FLRT2: variants seen among roughly 807,000 people sequenced by gnomAD.
FLRT2 encodes the protein leucine-rich repeat transmembrane protein FLRT2.
Under a neutral mutation model 40.0 loss-of-function variants are expected in FLRT2, and 15 were observed. The observed-to-expected ratio is 0.38, with a 90% CI of 0.25 to 0.58. The LOEUF (loss-of-function observed/expected upper bound fraction) is 0.58. FLRT2 is among the 20% of genes least tolerant of loss of function. The probability of loss-of-function intolerance (pLI) is 0.71; values close to 1 mark genes in which losing one functional copy is unlikely to be tolerated. For missense variants in FLRT2, 726 were observed against 840.0 expected (o/e 0.86, Z 1.68); for synonymous variants, 380 against 336.8 (o/e 1.13, Z -1.41).
chr14:85,560,565 A>G (rs980052820), intron 1 of FLRT2, among the ~76,000 whole-genome samples: 2 of 152,032 alleles, frequency 1.3e-5, no homozygotes, highest in Non-Finnish European at 2.9e-5. Flanking sequence ...TGGGCTGCAG[A>G]GCGAGACTCC....
At chr14:85,596,422 A>C (rs1454482420) in intron 1 of FLRT2, among the ~76,000 whole-genome samples, 1 of 152,212 alleles carries the variant, frequency 6.6e-6, no homozygotes, top group Admixed American at 6.5e-5. Flanking sequence ...CACATTTGTT[A>C]GCTATTTGTC....
Position 85,644,328 on chromosome 14 carries a change from A to T in FLRT2, c.*20831A>T, listed in dbSNP as rs950588945. ...TAGAAATTTCTTTCTTTTTATCTCA[A>T]TAGGCAAAGAACACTAAAGTAGTCT... On this transcript the variant is annotated 3_prime_UTR_variant, in exon 2 of 2. Coordinates refer to ENST00000330753, the MANE Select transcript of FLRT2 (RefSeq NM_013231.6). 4 of 152,178 alleles carry T rather than the reference A, an allele frequency of 2.6e-5. No individual in the cohort carries two copies. Among genetic ancestry groups the T allele is most frequent in the Non-Finnish European group, 5.9e-5 (4 of 68,024 alleles). The allele number at this position is 152,178 out of a possible 1,614,324, so 9.4% of individuals were successfully genotyped here.
intron 1 of FLRT2, among the ~76,000 whole-genome samples, chr14:85,575,262 G>A (rs1025273373): frequency 1.2e-4 from 19 of 152,116 alleles, no homozygotes; most frequent in Non-Finnish European, 2.5e-4. Flanking sequence ...GGTGGATGGA[G>A]TAAGGGCTTC....
chr14:85,540,714 T>G (rs972657014), intron 1 of FLRT2, among the ~76,000 whole-genome samples: 46 of 96,558 alleles, frequency 4.8e-4, no homozygotes, highest in Non-Finnish European at 9.0e-4. Context: ...ACACTTGCTT[T>G]TTTAATGTTT....
chr14:85,591,901 G>T (rs2139317727), intron 1 of FLRT2, among the ~76,000 whole-genome samples: 1 of 152,236 alleles, frequency 6.6e-6, no homozygotes, highest in Non-Finnish European at 1.5e-5. Context: ...GACTCTTATG[G>T]ATGTGGAGAA....
At chr14:85,606,014 C>G (rs536470718) in intron 1 of FLRT2, among the ~76,000 whole-genome samples, 1 of 152,238 alleles carries the variant, frequency 6.6e-6, no homozygotes, top group African/African-American at 2.4e-5. Flanking sequence ...ATACCAGCAA[C>G]TTTAGCTAGC....
At chr14:85,536,303 C>T (rs1347753312) in intron 1 of FLRT2, among the ~76,000 whole-genome samples, 4 of 151,784 alleles carry the variant, frequency 2.6e-5, no homozygotes, top group Non-Finnish European at 4.4e-5. Flanking sequence ...CTGTAGAGAC[C>T]CAGTGTGAAC....
chr14:85,593,858 A>G (rs995640230), intron 1 of FLRT2, among the ~76,000 whole-genome samples: 1 of 152,182 alleles, frequency 6.6e-6, no homozygotes, highest in South Asian at 2.1e-4. Context: ...CCTGGCCAAC[A>G]TGGTGAAACC....
intron 1 of FLRT2, among the ~76,000 whole-genome samples, chr14:85,581,459 G>C (rs534832470): frequency 1.3e-5 from 2 of 152,244 alleles, no homozygotes; most frequent in African/African-American, 4.8e-5. Context: ...AAACAGTTTA[G>C]AAAACTACCA....
intron 1 of FLRT2, among the ~76,000 whole-genome samples, chr14:85,568,626 T>G (rs1281560024): frequency 6.6e-6 from 1 of 152,084 alleles, no homozygotes; most frequent in East Asian, 1.9e-4. Flanking sequence ...GTTGTTCTTT[T>G]TCTCTTTGTT....
Position 85,626,580 on chromosome 14 carries a change from T to C in FLRT2, c.*3083T>C, listed in dbSNP as rs1052071258. On this transcript the variant is annotated 3_prime_UTR_variant, in exon 2 of 2. Coordinates refer to ENST00000330753, the MANE Select transcript of FLRT2 (RefSeq NM_013231.6). ...CAGGGTAGTTGTTAATACCTGCTTGTTTGGGGAGATATGTTTGATTATAGA... is the reference window on the plus strand; with the variant it reads ...CAGGGTAGTTGTTAATACCTGCTTGCTTGGGGAGATATGTTTGATTATAGA... The C allele has an allele frequency of 6.0e-6, 1 of 167,054 alleles. No homozygotes were observed. The highest frequency in any genetic ancestry group is 2.4e-5 in the African/African-American group (1 of 41,436). The allele number at this position is 167,054 out of a possible 1,614,324, so 10.3% of individuals were successfully genotyped here. A position where few individuals can be genotyped will look rare whatever the true frequency, so the allele number is the denominator to read the frequency against.
chr14:85,545,582 A>C (rs886351214), intron 1 of FLRT2, among the ~76,000 whole-genome samples: 11 of 152,246 alleles, frequency 7.2e-5, no homozygotes, highest in Admixed American at 7.2e-4. Flanking sequence ...TTTCGAGTAG[A>C]CAACTGCCTA....
intron 1 of FLRT2, among the ~76,000 whole-genome samples, chr14:85,544,198 A>G (rs1233260253): frequency 1.3e-5 from 2 of 152,200 alleles, no homozygotes; most frequent in Admixed American, 6.5e-5. Context: ...TGTCAGACAA[A>G]TATTGGCTGG....
intron 1 of FLRT2, among the ~76,000 whole-genome samples, chr14:85,549,935 A>G (rs1191639343): frequency 6.7e-6 from 1 of 149,606 alleles, no homozygotes; most frequent in Non-Finnish European, 1.5e-5. Context: ...AACAATATTT[A>G]TTTCTGTGGT....
intron 1 of FLRT2, among the ~76,000 whole-genome samples, chr14:85,590,531 T>A (rs1891834312): frequency 6.6e-6 from 1 of 152,198 alleles, no homozygotes; most frequent in Non-Finnish European, 1.5e-5. Flanking sequence ...GTGAAGGCAG[T>A]AGTATTTGCA....
At chr14:85,532,932 T>C (rs1888374343) in intron 1 of FLRT2, among the ~76,000 whole-genome samples, 1 of 152,186 alleles carries the variant, frequency 6.6e-6, no homozygotes, top group East Asian at 1.9e-4. Flanking sequence ...GATGGTGACA[T>C]TATCCCTAAG....
At chr14:85,531,018 A>T (rs1269360637) in intron 1 of FLRT2, 1 of 152,220 alleles carries the variant, frequency 6.6e-6, no homozygotes, top group Non-Finnish European at 1.5e-5. Flanking sequence ...GGGATCTATT[A>T]GCAGTTAAAC....
intron 1 of FLRT2, among the ~76,000 whole-genome samples, chr14:85,618,965 C>A (rs1350170355): frequency 1.3e-5 from 2 of 152,172 alleles, no homozygotes; most frequent in East Asian, 3.9e-4. Context: ...TTTTCCTATG[C>A]CACCTCAGTT....
chr14:85,618,874 G>C (rs1198667051), intron 1 of FLRT2, among the ~76,000 whole-genome samples: 1 of 152,070 alleles, frequency 6.6e-6, no homozygotes, highest in East Asian at 1.9e-4. Flanking sequence ...GACCACACTT[G>C]AGTACCAAGA....
Sources: gnomAD v4.1 joint callset for allele counts (sites outside exome capture counted in the v4.1 genomes callset) on GRCh38, gnomAD v4.1.1 for gene constraint, MANE v1.5 for transcripts, NCBI Gene and HGNC (gene_info 2026-07-23, HGNC 2026-07-21) for gene names.